The following ACSL5 variants were observed in gnomAD, a reference collection of about 807,000 sequenced individuals.
ACSL5 encodes the protein acyl-CoA synthetase long chain family member 5, also known as long-chain-fatty-acid--CoA ligase 5.
Under a neutral mutation model 84.9 loss-of-function variants are expected in ACSL5, and 50 were observed. That is an observed-to-expected ratio of 0.59 (90% CI 0.47 to 0.75). ACSL5 has a LOEUF of 0.75. ACSL5 is among the 30% of genes least tolerant of loss of function. The pLI is 0.00. For synonymous variants in ACSL5, 280 were observed against 300.7 expected, an observed-to-expected ratio of 0.93 and a Z score of 0.71; for missense variants, 775 against 830.4, an observed-to-expected ratio of 0.93 and a Z score of 0.82.
At chr10:112,411,629 C>A in intron 10 of ACSL5, 100 bp downstream of exon 10, 2 of 531,426 alleles carry the variant, frequency 3.8e-6, no homozygotes, top group Non-Finnish European at 6.1e-6. Flanking sequence ...CACACACATA[C>A]ACACACACAC....
intron 3 of ACSL5, among the ~76,000 whole-genome samples, chr10:112,400,829 A>AT (rs1843868056): frequency 6.6e-6 from 1 of 152,130 alleles, no homozygotes; most frequent in Non-Finnish European, 1.5e-5. Flanking sequence ...AAGTACTGGG[A>AT]TTACAGGAGT....
intron 1 of ACSL5, among the ~76,000 whole-genome samples, chr10:112,391,058 A>G (rs1034878897): frequency 2.0e-5 from 3 of 152,216 alleles, no homozygotes; most frequent in African/African-American, 7.2e-5. Flanking sequence ...ATTCTACATT[A>G]TGTAAATTGT....
chr10:112,416,923 C>CT lies in ACSL5; in HGVS notation c.1121dup (p.Leu374PhefsTer9). ...AGGCCAAGACACCCTTGAAGAAGTT[C>CT]TTGTTGAAGCTGGCTGTTTCCAGTA... On this transcript the variant is annotated frameshift_variant, in exon 13 of 21. Coordinates refer to ENST00000354655, the MANE Select transcript of ACSL5 (RefSeq NM_203379.2). LOFTEE classifies it high-confidence loss of function. 6.2e-7 allele frequency: 1 copy of CT among 1,614,084 alleles called. No individual in the cohort carries two copies. The highest frequency in any genetic ancestry group is 8.5e-7 in the Non-Finnish European group (1 of 1,179,978).
intron 12 of ACSL5, among the ~76,000 whole-genome samples, 156 bp downstream of exon 12, chr10:112,413,463 C>T (rs917867082): frequency 3.3e-5 from 5 of 152,166 alleles, no homozygotes; most frequent in African/African-American, 1.2e-4. Context: ...TGGTGGCTCA[C>T]TTCTGTGATC....
At chr10:112,390,161 A>G (rs753666846) in intron 1 of ACSL5, among the ~76,000 whole-genome samples, 13 of 152,352 alleles carry the variant, frequency 8.5e-5, no homozygotes, top group South Asian at 4.1e-4. Flanking sequence ...ATTGCAAATC[A>G]TATCTCTGAT....
chr10:112,388,674 A>C (rs1849500915), intron 1 of ACSL5, among the ~76,000 whole-genome samples: 1 of 152,240 alleles, frequency 6.6e-6, no homozygotes, highest in Non-Finnish European at 1.5e-5. Flanking sequence ...ACATCAGCTC[A>C]GTTGGCACAA....
chr10:112,405,573 T>C (rs1844014908), intron 5 of ACSL5, among the ~76,000 whole-genome samples: 2 of 152,160 alleles, frequency 1.3e-5, no homozygotes, highest in Non-Finnish European at 2.9e-5. Context: ...GCATACTCCA[T>C]TCTTGTCACA....
intron 1 of ACSL5, among the ~76,000 whole-genome samples, chr10:112,381,943 G>C (rs1365087262): frequency 6.6e-6 from 1 of 152,100 alleles, no homozygotes; most frequent in Non-Finnish European, 1.5e-5. Context: ...AGTGCAGAGA[G>C]TAAATGTATC....
At chr10:112,387,749 T>A (rs1221079117) in intron 1 of ACSL5, among the ~76,000 whole-genome samples, 2 of 152,202 alleles carry the variant, frequency 1.3e-5, no homozygotes, top group African/African-American at 2.4e-5. Context: ...GGTCTCCTTT[T>A]TAATTAGCTT....
chr10:112,398,687 G>A (rs756976691), intron 2 of ACSL5, among the ~76,000 whole-genome samples: 1 of 152,176 alleles, frequency 6.6e-6, no homozygotes, highest in East Asian at 1.9e-4. Context: ...TTACAGGCGT[G>A]AGCCACCGAG....
chr10:112,411,980 G>A lies in ACSL5; in HGVS notation c.948+1G>A, dbSNP rs182752891. 4.3e-6 allele frequency: 7 copies of A among 1,611,156 alleles called. No homozygotes were observed. Among genetic ancestry groups the A allele is most frequent in the African/African-American group, 1.3e-5 (1 of 74,982 alleles). On this transcript the variant is annotated splice_donor_variant, in intron 11 of 20. Transcript: ENST00000354655. LOFTEE classifies it high-confidence loss of function. ...TCATATGTTTGAGAGGATTGTACAGGTGAGTGTTCTGTGTTCCTAGCAGTA... is the reference window on the plus strand; with the variant it reads ...TCATATGTTTGAGAGGATTGTACAGATGAGTGTTCTGTGTTCCTAGCAGTA...
chr10:112,425,671 T>C (rs1233752780), intron 18 of ACSL5, 190 bp downstream of exon 18: 4 of 495,608 alleles, frequency 8.1e-6, no homozygotes, highest in Non-Finnish European at 1.4e-5. Flanking sequence ...TTCAAAACTA[T>C]GATGGACGTT....
At chr10:112,423,269 T>C (rs1474899103) in intron 17 of ACSL5, among the ~76,000 whole-genome samples, 1 of 122,274 alleles carries the variant, frequency 8.2e-6, no homozygotes, top group Non-Finnish European at 1.7e-5. Context: ...AGATTTGTGT[T>C]CTGGTTGCAG....
At chr10:112,390,515 C>CA (rs1321891824) in intron 1 of ACSL5, among the ~76,000 whole-genome samples, 2 of 152,138 alleles carry the variant, frequency 1.3e-5, no homozygotes, top group Non-Finnish European at 2.9e-5. Context: ...ATTGACTCAG[C>CA]AATTTCTCTC....
chr10:112,401,865 TTTC>T (rs1843917593), intron 3 of ACSL5, among the ~76,000 whole-genome samples: 2 of 151,096 alleles, frequency 1.3e-5, no homozygotes, highest in Admixed American at 6.6e-5. Flanking sequence ...CCTTTCTTTC[TTTC>T]TTTTTCTTTC....
chr10:112,380,826 G>C (rs968247745), intron 1 of ACSL5, among the ~76,000 whole-genome samples: 14 of 152,134 alleles, frequency 9.2e-5, no homozygotes, highest in Non-Finnish European at 1.6e-4. Context: ...CAGGCTCCCA[G>C]GCTGGAGTGC....
intron 15 of ACSL5, 49 bp from the exon 16 acceptor site, chr10:112,421,898 T>G: frequency 3.2e-6 from 5 of 1,546,982 alleles, no homozygotes; most frequent in Non-Finnish European, 4.5e-6. Flanking sequence ...GTGCCTGGAA[T>G]TATCACCATG....
intron 1 of ACSL5, among the ~76,000 whole-genome samples, chr10:112,382,468 T>C (rs1015965859): frequency 1.3e-5 from 2 of 152,204 alleles, no homozygotes; most frequent in Admixed American, 6.5e-5. Flanking sequence ...GGATGGTCAC[T>C]ATGTGCATGA....
intron 1 of ACSL5, among the ~76,000 whole-genome samples, chr10:112,386,947 T>A (rs1849466244): frequency 6.6e-6 from 1 of 152,230 alleles, no homozygotes; most frequent in South Asian, 2.1e-4. Flanking sequence ...TGAAACATAC[T>A]AGTTACCTCT....
Sources: allele counts gnomAD v4.1 joint callset (sites outside exome capture counted in the v4.1 genomes callset), GRCh38; gene constraint gnomAD v4.1.1; transcripts MANE v1.5; gene names NCBI Gene and HGNC (gene_info 2026-07-23, HGNC 2026-07-21).